PLCB1: variants seen among roughly 807,000 people sequenced by gnomAD.
PLCB1 encodes the protein 1-phosphatidylinositol 4,5-bisphosphate phosphodiesterase beta-1.
A neutral mutation model predicts 161.8 loss-of-function variants in PLCB1; 46 were observed. That is an observed-to-expected ratio of 0.28 (90% CI 0.22 to 0.36). PLCB1 has a LOEUF of 0.36. PLCB1 is among the 10% of genes least tolerant of loss of function. The pLI is 1.00. For synonymous variants in PLCB1, 517 were observed against 503.7 expected (o/e 1.03, Z -0.35); for missense variants, 1,016 against 1,472.5 (o/e 0.69, Z 5.07).
At chr20:8,279,541 A>G (rs1157590325) in intron 2 of PLCB1, among the ~76,000 whole-genome samples, 1 of 152,230 alleles carries the variant, frequency 6.6e-6, no homozygotes. Context: ...ATGGTTACAC[A>G]ACATTGTGAG....
At chr20:8,821,440 T>C (rs1240118924) in intron 31 of PLCB1, among the ~76,000 whole-genome samples, 1 of 133,666 alleles carries the variant, frequency 7.5e-6, no homozygotes, top group Non-Finnish European at 1.5e-5. Flanking sequence ...ATCACGCCTC[T>C]GCACTCCAGC....
At chr20:8,407,665 T>C (rs2122498474) in intron 3 of PLCB1, among the ~76,000 whole-genome samples, 1 of 152,314 alleles carries the variant, frequency 6.6e-6, no homozygotes, top group African/African-American at 2.4e-5. Context: ...GTGGGAATTC[T>C]GAGAGATACA....
At position 8,233,421 on chromosome 20, in the gene PLCB1, A is replaced by G. The variant is rs369344006; in HGVS notation, c.177+83050A>G. Among the ~76,000 whole-genome samples, 7 of 152,272 alleles carry G rather than the reference A, an allele frequency of 4.6e-5. No homozygotes were observed. The South Asian group carries it at 1.2e-3, about 27-fold the overall frequency. On this transcript the variant is annotated intron_variant, in intron 2 of 31. Coordinates refer to ENST00000338037, the MANE Select transcript of PLCB1 (RefSeq NM_015192.4). ...GGCAAGGTGCTTGTAATTTCTATATAGTTTACATTTCTATTTAAAGTCTCA... is the reference window on the plus strand; with the variant it reads ...GGCAAGGTGCTTGTAATTTCTATATGGTTTACATTTCTATTTAAAGTCTCA...
intron 2 of PLCB1, among the ~76,000 whole-genome samples, chr20:8,272,720 C>T (rs533604157): frequency 2.0e-5 from 3 of 152,122 alleles, no homozygotes; most frequent in Non-Finnish European, 4.4e-5. Context: ...CCAAATTTAT[C>T]AGATATCAGA....
chr20:8,756,071 T>C (rs1160173708), intron 23 of PLCB1, among the ~76,000 whole-genome samples: 1 of 152,232 alleles, frequency 6.6e-6, no homozygotes, highest in East Asian at 1.9e-4. Context: ...TCCCTGGCTC[T>C]TTTTGTCAGG....
At chr20:8,612,230 A>G (rs1268539935) in intron 3 of PLCB1, among the ~76,000 whole-genome samples, 2 of 152,188 alleles carry the variant, frequency 1.3e-5, no homozygotes, top group African/African-American at 4.8e-5. Flanking sequence ...AATAAAAAAC[A>G]CAAATGAAAA....
intron 3 of PLCB1, among the ~76,000 whole-genome samples, chr20:8,579,595 A>G (rs1986772089): frequency 6.6e-6 from 1 of 152,238 alleles, no homozygotes; most frequent in African/African-American, 2.4e-5. Flanking sequence ...ATAGAAGCAT[A>G]TGGACAATGA....
At chr20:8,460,375 C>A (rs1765265910) in intron 3 of PLCB1, among the ~76,000 whole-genome samples, 1 of 152,184 alleles carries the variant, frequency 6.6e-6, no homozygotes, top group Admixed American at 6.5e-5. Flanking sequence ...AAGAGCATGG[C>A]TTAAGTGCAT....
chr20:8,804,438 C>CG (rs11087825), intron 31 of PLCB1, among the ~76,000 whole-genome samples: 1 of 152,198 alleles, frequency 6.6e-6, no homozygotes, highest in Non-Finnish European at 1.5e-5. Context: ...TAGCTTTCCA[C>CG]TATAAAAGAT....
intron 2 of PLCB1, among the ~76,000 whole-genome samples, chr20:8,259,345 G>C (rs200916970): frequency 6.6e-6 from 1 of 152,266 alleles, no homozygotes; most frequent in East Asian, 1.9e-4. Context: ...GGCTGGGCAT[G>C]GTGGGTAGTG....
At chr20:8,835,600 C>T (rs1413893358) in intron 31 of PLCB1, among the ~76,000 whole-genome samples, 4 of 152,020 alleles carry the variant, frequency 2.6e-5, no homozygotes, top group Admixed American at 1.3e-4. Context: ...TATTGTGGTT[C>T]GAATTCATTT....
chr20:8,489,178 G>C (rs1982846690), intron 3 of PLCB1, among the ~76,000 whole-genome samples: 1 of 152,150 alleles, frequency 6.6e-6, no homozygotes, highest in Admixed American at 6.5e-5. Context: ...CTATTATGGG[G>C]AGATGAAAGG....
chr20:8,367,390 T>A (rs952640437), intron 2 of PLCB1, among the ~76,000 whole-genome samples: 14 of 152,190 alleles, frequency 9.2e-5, no homozygotes, highest in African/African-American at 3.4e-4. Context: ...TGCCTCAGAC[T>A]CACGGAATCA....
intron 3 of PLCB1, among the ~76,000 whole-genome samples, chr20:8,458,291 ATATAT>A (rs1218410959): frequency 6.6e-6 from 1 of 152,152 alleles, no homozygotes; most frequent in Non-Finnish European, 1.5e-5. Flanking sequence ...TTCTGTTGTC[ATATAT>A]TGTCTGGCCA....
At chr20:8,266,829 A>C (rs529343070) in intron 2 of PLCB1, among the ~76,000 whole-genome samples, 2 of 152,260 alleles carry the variant, frequency 1.3e-5, no homozygotes, top group South Asian at 4.1e-4. Flanking sequence ...ACCTGAGGTC[A>C]GGAGTTCGAG....
intron 9 of PLCB1, among the ~76,000 whole-genome samples, chr20:8,684,450 C>T (rs1214928481): frequency 6.6e-6 from 1 of 151,326 alleles, no homozygotes. Context: ...GAGGAGACTT[C>T]GCCATATTGG....
At chr20:8,752,622 G>A (rs1035606952) in intron 23 of PLCB1, among the ~76,000 whole-genome samples, 6 of 151,814 alleles carry the variant, frequency 4.0e-5, no homozygotes, top group Non-Finnish European at 4.4e-5. Flanking sequence ...GTGAAACCCC[G>A]TCTCTACTAA....
At chr20:8,240,936 T>C (rs1980578501) in intron 2 of PLCB1, among the ~76,000 whole-genome samples, 1 of 151,996 alleles carries the variant, frequency 6.6e-6, no homozygotes. Flanking sequence ...GTCATTTAAA[T>C]CAATGAGTTG....
chr20:8,527,931 G>A (rs767076690), intron 3 of PLCB1, among the ~76,000 whole-genome samples: 4 of 151,874 alleles, frequency 2.6e-5, no homozygotes, highest in African/African-American at 4.8e-5. Context: ...AACTATTCCA[G>A]TAACAGATAA....
Sources: allele counts gnomAD v4.1 joint callset (sites outside exome capture counted in the v4.1 genomes callset), GRCh38; gene constraint gnomAD v4.1.1; transcripts MANE v1.5; gene names NCBI Gene and HGNC (gene_info 2026-07-23, HGNC 2026-07-21).